Variants in XYLT1 observed in about 807,000 individuals in gnomAD.
The protein encoded by XYLT1 is beta-D-xylosyltransferase 1.
A neutral mutation model predicts 91.3 loss-of-function variants in XYLT1; 36 were observed. The ratio of observed to expected loss-of-function variants is 0.39; its 90% CI spans 0.30 to 0.52. XYLT1 has a LOEUF of 0.52. XYLT1 is among the 20% of genes least tolerant of loss of function. The probability of loss-of-function intolerance (pLI) is 0.68; values close to 1 mark genes in which losing one functional copy is unlikely to be tolerated. For synonymous variants in XYLT1, 588 were observed against 532.0 expected, an observed-to-expected ratio of 1.11 and a Z score of -1.45; for missense variants, 1,242 against 1,284.5, an observed-to-expected ratio of 0.97 and a Z score of 0.51.
intron 2 of XYLT1, among the ~76,000 whole-genome samples, chr16:17,352,100 G>C (rs1455429803): frequency 7.2e-5 from 11 of 152,200 alleles, no homozygotes; most frequent in Non-Finnish European, 1.2e-4. Context: ...CAGCCTGGTT[G>C]ACAGAGTGAC....
chr16:17,327,115 T>C (rs1404226469), intron 2 of XYLT1, among the ~76,000 whole-genome samples: 1 of 152,230 alleles, frequency 6.6e-6, no homozygotes, highest in Non-Finnish European at 1.5e-5. Flanking sequence ...GTTCATTCAT[T>C]TGTGTAATGT....
At chr16:17,366,687 C>T (rs530525748) in intron 1 of XYLT1, among the ~76,000 whole-genome samples, 7 of 152,072 alleles carry the variant, frequency 4.6e-5, no homozygotes, top group Admixed American at 3.3e-4. Flanking sequence ...AGACTGGGAC[C>T]GTGTCTTAAA....
chr16:17,102,630 T>C lies in XYLT1; in HGVS notation c.*6065A>G, dbSNP rs376294888. 11 of 152,574 alleles carry C rather than the reference T, an allele frequency of 7.2e-5. No individual in the cohort carries two copies. Among genetic ancestry groups the C allele is most frequent in the African/African-American group, 2.6e-4 (11 of 41,580 alleles). The allele number at this position is 152,574 out of a possible 1,614,324, so 9.5% of individuals were successfully genotyped here. A position where few individuals can be genotyped will look rare whatever the true frequency, so the allele number is the denominator to read the frequency against. On this transcript the variant is annotated 3_prime_UTR_variant, in exon 12 of 12. Coordinates refer to ENST00000261381, the MANE Select transcript of XYLT1 (RefSeq NM_022166.4). ...TCTACCTCAAGGAAAAGCATTCAGA[T>C]GATTGGAACTTTGATTACTGGTCAA... is the stretch of plus-strand genomic sequence containing the variant.
chr16:17,245,082 T>A (rs550848745), intron 3 of XYLT1, among the ~76,000 whole-genome samples: 1 of 152,172 alleles, frequency 6.6e-6, no homozygotes, highest in East Asian at 1.9e-4. Flanking sequence ...AAAACAAAAA[T>A]GTACACACAA....
chr16:17,243,117 T>G (rs904683437), intron 3 of XYLT1, among the ~76,000 whole-genome samples: 1 of 152,220 alleles, frequency 6.6e-6, no homozygotes, highest in African/African-American at 2.4e-5. Context: ...CTTCAATTCT[T>G]CTAGGTACAC....
At chr16:17,316,544 G>A (rs749918176) in intron 2 of XYLT1, among the ~76,000 whole-genome samples, 2 of 151,896 alleles carry the variant, frequency 1.3e-5, no homozygotes, top group South Asian at 2.1e-4. Context: ...CTACAGGCAC[G>A]TGCCACCATG....
rs562660935 is a variant in XYLT1 at position 17,182,110 on chromosome 16, C to T, written c.1289+16102G>A. ...GATGGGTAGCATGGTCATGCCCTCT[C>T]ACAGGTGAGAAAAAGGAGACTCACA... is the stretch of plus-strand genomic sequence containing the variant. On this transcript the variant is annotated intron_variant, in intron 5 of 11. Coordinates refer to ENST00000261381, the MANE Select transcript of XYLT1 (RefSeq NM_022166.4). 2.0e-3 allele frequency among the ~76,000 whole-genome samples: 303 copies of T among 152,312 alleles called. 1 individual carries two copies. Among genetic ancestry groups the T allele is most frequent in the African/African-American group, 7.1e-3 (294 of 41,574 alleles).
chr16:17,375,888 G>C (rs1036965166), intron 1 of XYLT1, among the ~76,000 whole-genome samples: 1 of 152,238 alleles, frequency 6.6e-6, no homozygotes, highest in Non-Finnish European at 1.5e-5. Context: ...TGGAGCCACT[G>C]GTGTCCCTAC....
chr16:17,277,712 A>G (rs990109699), intron 2 of XYLT1, among the ~76,000 whole-genome samples: 39 of 151,932 alleles, frequency 2.6e-4, no homozygotes, highest in Non-Finnish European at 4.0e-4. Flanking sequence ...CTTTATGTTC[A>G]CGTGTACTCA....
rs1363983656 is a variant in XYLT1 at position 17,312,631 on chromosome 16, T to C, written c.402+45381A>G. ...ATACTGTTAACGGGACTGCAGATTT[T>C]GTTTTTGTTTTCACCCATTTTCAAC... is the stretch of plus-strand genomic sequence containing the variant. On this transcript the variant is annotated intron_variant, in intron 2 of 11. Coordinates refer to ENST00000261381, the MANE Select transcript of XYLT1 (RefSeq NM_022166.4). This position sits in a 1 kb window ranked among gnomAD's most constrained non-coding sequence, Gnocchi z 4.4. Among the ~76,000 whole-genome samples the C allele has an allele frequency of 6.6e-6, 1 of 152,202 alleles. No homozygotes were observed. The highest frequency in any genetic ancestry group is 1.5e-5 in the Non-Finnish European group (1 of 68,040).
Position 17,393,997 on chromosome 16 carries a change from G to A in XYLT1, c.364-35947C>T, listed in dbSNP as rs551016247. Among the ~76,000 whole-genome samples the A allele has an allele frequency of 1.4e-4, 22 of 152,038 alleles. No homozygotes were observed. The South Asian group carries it at 2.1e-3, about 14-fold the overall frequency. ...TCACCGTGTTAGCCAGGATGGTCTC[G>A]ATCTCCTGACCTCATGATCCACCCA... On this transcript the variant is annotated intron_variant, in intron 1 of 11. Transcript: ENST00000261381.
intron 9 of XYLT1, 93 bp from the exon 10 acceptor site, chr16:17,127,954 G>T: frequency 8.3e-7 from 1 of 1,210,142 alleles, no homozygotes; most frequent in Non-Finnish European, 1.2e-6. Flanking sequence ...TCCTAAAGCA[G>T]TCCCCATTGT....
intron 3 of XYLT1, among the ~76,000 whole-genome samples, chr16:17,205,123 C>A (rs1213220394): frequency 6.6e-6 from 1 of 152,140 alleles, no homozygotes; most frequent in African/African-American, 2.4e-5. Context: ...GAGAGAATAT[C>A]AAGTATATTT....
chr16:17,389,076 G>A (rs1000735133), intron 1 of XYLT1, among the ~76,000 whole-genome samples: 1 of 152,200 alleles, frequency 6.6e-6, no homozygotes, highest in Non-Finnish European at 1.5e-5. Context: ...CTGGTTCTTT[G>A]CAGCGAGGCA....
chr16:17,119,003 A>G (rs1462303802), intron 10 of XYLT1, among the ~76,000 whole-genome samples: 1 of 152,168 alleles, frequency 6.6e-6, no homozygotes, highest in Non-Finnish European at 1.5e-5. Flanking sequence ...CCTTCAGTCA[A>G]TCTGTGTCAT....
At chr16:17,323,932 G>A (rs2034762793) in intron 2 of XYLT1, among the ~76,000 whole-genome samples, 2 of 152,178 alleles carry the variant, frequency 1.3e-5, no homozygotes, top group Admixed American at 6.5e-5. Context: ...CTTATTCAGA[G>A]CTGGCCAACT....
chr16:17,178,223 T>C (rs1316441750), intron 5 of XYLT1, among the ~76,000 whole-genome samples: 2 of 152,062 alleles, frequency 1.3e-5, no homozygotes, highest in Non-Finnish European at 2.9e-5. Flanking sequence ...TTTCATGTGC[T>C]CCTTACCAGC....
intron 1 of XYLT1, among the ~76,000 whole-genome samples, chr16:17,398,820 C>CCCT (rs2035924206): frequency 1.4e-5 from 1 of 69,092 alleles, no homozygotes; most frequent in African/African-American, 5.8e-5. Flanking sequence ...ATGTCCCCGC[C>CCCT]CCCCCCCACT....
intron 2 of XYLT1, among the ~76,000 whole-genome samples, chr16:17,272,638 C>T (rs938861048): frequency 1.3e-5 from 2 of 152,196 alleles, no homozygotes; most frequent in Non-Finnish European, 2.9e-5. Context: ...CTGGAAACAT[C>T]AGGGACCTGA....
Sources: allele counts gnomAD v4.1 joint callset (sites outside exome capture counted in the v4.1 genomes callset), GRCh38; gene constraint gnomAD v4.1.1; non-coding constraint Gnocchi (gnomAD v3.1); transcripts MANE v1.5; gene names NCBI Gene and HGNC (gene_info 2026-07-23, HGNC 2026-07-21).